Variants in DPP10 observed in about 807,000 individuals in gnomAD.
The protein encoded by DPP10 is inactive dipeptidyl peptidase 10.
A neutral mutation model predicts 120.9 loss-of-function variants in DPP10; 33 were observed. The ratio of observed to expected loss-of-function variants is 0.27; its 90% CI spans 0.21 to 0.37. The LOEUF (loss-of-function observed/expected upper bound fraction) is 0.37. Among genes scored for constraint, DPP10 ranks in the 10% least tolerant of loss-of-function variants. The pLI is 1.00. For synonymous variants in DPP10, 337 were observed against 326.1 expected (o/e 1.03, Z -0.36); for missense variants, 816 against 942.8 (o/e 0.87, Z 1.76).
chr2:114,741,866 C>T (rs1678100286), intron 1 of DPP10, among the ~76,000 whole-genome samples: 2 of 152,140 alleles, frequency 1.3e-5, no homozygotes, highest in Non-Finnish European at 2.9e-5. Flanking sequence ...TCAGAGAGAA[C>T]ATGGCTATGT....
chr2:114,841,634 C>G (rs193144502), intron 1 of DPP10, among the ~76,000 whole-genome samples: 5 of 152,176 alleles, frequency 3.3e-5, no homozygotes, highest in Admixed American at 3.3e-4. Context: ...TGAGAATCAA[C>G]TTCTAGGACT....
At chr2:114,638,122 T>C (rs1433039152) in intron 1 of DPP10, among the ~76,000 whole-genome samples, 1 of 151,902 alleles carries the variant, frequency 6.6e-6, no homozygotes, top group Non-Finnish European at 1.5e-5. Flanking sequence ...GCATGGAATG[T>C]TTTCCATTTA....
chr2:115,373,107 C>A (rs555133993), intron 3 of DPP10, among the ~76,000 whole-genome samples: 1 of 152,262 alleles, frequency 6.6e-6, no homozygotes, highest in East Asian at 1.9e-4. Context: ...GGAAAGTTTC[C>A]TGGAGGATGG....
chr2:114,546,634 T>C (rs530701986), intron 1 of DPP10, among the ~76,000 whole-genome samples: 3 of 152,308 alleles, frequency 2.0e-5, no homozygotes, highest in Admixed American at 2.0e-4. Context: ...AGTCAAGCCA[T>C]ACTACTCAAT....
Position 115,420,543 on chromosome 2 carries a change from A to G in DPP10, c.271+76631A>G, listed in dbSNP as rs550274420. ...GAAATATTATTCTCTCATTTGGCAT[A>G]AGACATCATGTTGCTCGGGCACAAT... On this transcript the variant is annotated intron_variant, in intron 3 of 25. Coordinates refer to ENST00000410059, the MANE Select transcript of DPP10 (RefSeq NM_020868.6). Among the ~76,000 whole-genome samples, 26 of 152,348 alleles carry G rather than the reference A, an allele frequency of 1.7e-4. No homozygotes were observed. In the East Asian group the frequency reaches 4.8e-3, roughly 28 times the overall value.
At chr2:115,061,579 A>C (rs1168303655) in intron 1 of DPP10, among the ~76,000 whole-genome samples, 1 of 152,246 alleles carries the variant, frequency 6.6e-6, no homozygotes, top group Non-Finnish European at 1.5e-5. Context: ...ATGCTAGTTA[A>C]ATAAAATGCA....
At chr2:115,491,907 G>A (rs143372658) in intron 3 of DPP10, among the ~76,000 whole-genome samples, 2 of 152,252 alleles carry the variant, frequency 1.3e-5, no homozygotes, top group East Asian at 3.9e-4. Context: ...AGTGTCAAAG[G>A]CAGGAGGATT....
chr2:115,727,229 G>T (rs890841485), intron 7 of DPP10, among the ~76,000 whole-genome samples: 2 of 151,984 alleles, frequency 1.3e-5, no homozygotes, highest in Middle Eastern at 3.4e-3. Context: ...TATTATTGCC[G>T]TACTATTTAC....
chr2:115,277,741 ATAAAT>A (rs954311934), intron 1 of DPP10, among the ~76,000 whole-genome samples: 3 of 152,094 alleles, frequency 2.0e-5, no homozygotes, highest in Non-Finnish European at 2.9e-5. Context: ...TTCTTTCTAA[ATAAAT>A]TAAAGATTTT....
chr2:115,580,459 T>A (rs1054400964), intron 5 of DPP10, among the ~76,000 whole-genome samples: 2 of 151,940 alleles, frequency 1.3e-5, no homozygotes, highest in African/African-American at 4.8e-5. Flanking sequence ...TTTTGCATTA[T>A]CTTATTAATC....
intron 3 of DPP10, among the ~76,000 whole-genome samples, chr2:115,387,115 T>C (rs1425408183): frequency 6.6e-6 from 1 of 152,138 alleles, no homozygotes. Flanking sequence ...GTGGTGCTTA[T>C]GAACATTTTC....
intron 1 of DPP10, among the ~76,000 whole-genome samples, chr2:115,032,778 G>A (rs547331886): frequency 7.3e-5 from 11 of 151,532 alleles, no homozygotes; most frequent in South Asian, 2.1e-4. Context: ...CCAGCTACTC[G>A]GGAGGCTGAG....
intron 11 of DPP10, among the ~76,000 whole-genome samples, chr2:115,753,957 A>G (rs1679079177): frequency 6.6e-6 from 1 of 152,308 alleles, no homozygotes; most frequent in South Asian, 2.1e-4. Context: ...GTTCTGGAAA[A>G]GATGGAGTAC....
rs559936457 is a variant in DPP10, at chr2:115,195,349, A to G, written c.61-113890A>G. 3.9e-5 allele frequency among the ~76,000 whole-genome samples: 6 copies of G among 152,334 alleles called. No individual in the cohort carries two copies. The South Asian group carries it at 1.2e-3, about 32-fold the overall frequency. On this transcript the variant is annotated intron_variant, in intron 1 of 25. Transcript: ENST00000410059. ...CCTCACCGCCACCCCTAAAACCCGT[A>G]GAGACGAATACATGATAGGGATTGC... is the stretch of plus-strand genomic sequence containing the variant.
At chr2:115,648,699 A>G (rs2087494705) in intron 5 of DPP10, among the ~76,000 whole-genome samples, 1 of 152,112 alleles carries the variant, frequency 6.6e-6, no homozygotes, top group Non-Finnish European at 1.5e-5. Flanking sequence ...TATTCTAGGT[A>G]ATTTACATAG....
At chr2:114,655,707 A>T (rs1696917473) in intron 1 of DPP10, among the ~76,000 whole-genome samples, 1 of 152,216 alleles carries the variant, frequency 6.6e-6, no homozygotes, top group Non-Finnish European at 1.5e-5. Flanking sequence ...CATTCAGCTT[A>T]CATAATTAAA....
intron 1 of DPP10, among the ~76,000 whole-genome samples, chr2:114,657,468 A>C (rs1697052836): frequency 6.6e-6 from 1 of 152,192 alleles, no homozygotes; most frequent in African/African-American, 2.4e-5. Flanking sequence ...TGTTTAAATA[A>C]ATTCAGCTTG....
At chr2:114,574,889 C>T (rs1386286638) in intron 1 of DPP10, among the ~76,000 whole-genome samples, 2 of 152,098 alleles carry the variant, frequency 1.3e-5, no homozygotes, top group South Asian at 2.1e-4. Context: ...CAGGGCACAG[C>T]GAGGCAGGCT....
chr2:114,954,149 C>T (rs1306259352), intron 1 of DPP10, among the ~76,000 whole-genome samples: 6 of 140,638 alleles, frequency 4.3e-5, no homozygotes, highest in South Asian at 4.5e-4. Context: ...GGTGCTATCT[C>T]GGCTCACTGC....
Sources: gnomAD v4.1 joint callset for allele counts (sites outside exome capture counted in the v4.1 genomes callset) on GRCh38, gnomAD v4.1.1 for gene constraint, MANE v1.5 for transcripts, NCBI Gene and HGNC (gene_info 2026-07-23, HGNC 2026-07-21) for gene names.